Variants in COL14A1 observed in about 807,000 individuals in gnomAD.
COL14A1 encodes collagen alpha-1(XIV) chain.
A neutral mutation model predicts 230.3 loss-of-function variants in COL14A1; 136 were observed. The observed-to-expected ratio is 0.59, with a 90% CI of 0.51 to 0.68. COL14A1 has a LOEUF of 0.68. Ranked by LOEUF, COL14A1 falls within the 30% of genes least tolerant of loss-of-function variation. The pLI, the probability that COL14A1 is intolerant of heterozygous loss-of-function variation, is 0.00. For missense variants in COL14A1, 1,976 were observed against 2,215.8 expected (o/e 0.89, Z 2.17); for synonymous variants, 792 against 784.1 (o/e 1.01, Z -0.17).
In COL14A1 at chr8:120,228,777, C is replaced by T. The variant is rs1393537506; in HGVS notation, c.2197+8C>T. On this transcript the variant is annotated splice_region_variant and intron_variant, in intron 18 of 47. Transcript: ENST00000297848. ...CCACATCTGTGACTTCAGGTAAGGTCAAATAGTAGCCTGCTTAACCACTTT... is the reference window on the plus strand; with the variant it reads ...CCACATCTGTGACTTCAGGTAAGGTTAAATAGTAGCCTGCTTAACCACTTT... The T allele has an allele frequency of 9.9e-6, 16 of 1,612,436 alleles. No homozygotes were observed. Among genetic ancestry groups the T allele is most frequent in the South Asian group, 2.2e-5 (2 of 90,906 alleles).
intron 11 of COL14A1, among the ~76,000 whole-genome samples, chr8:120,209,544 C>T (rs1817556534): frequency 6.6e-6 from 1 of 152,046 alleles, no homozygotes; most frequent in African/African-American, 2.4e-5. Flanking sequence ...AAGAGTAGGG[C>T]AGGGTCACAT....
intron 23 of COL14A1, among the ~76,000 whole-genome samples, chr8:120,262,351 T>C (rs1819359422): frequency 6.6e-6 from 1 of 152,056 alleles, no homozygotes; most frequent in Non-Finnish European, 1.5e-5. Flanking sequence ...TGCACGCCTG[T>C]AGTTCCAGCT....
chr8:120,165,564 G>A (rs1015815786), intron 4 of COL14A1, among the ~76,000 whole-genome samples: 7 of 152,120 alleles, frequency 4.6e-5, no homozygotes, highest in Admixed American at 6.6e-5. Flanking sequence ...TATTGTTGTC[G>A]TAAGAAATAC....
chr8:120,172,571 TG>T (rs1393883043), intron 5 of COL14A1, among the ~76,000 whole-genome samples: 2 of 152,166 alleles, frequency 1.3e-5, no homozygotes, highest in Non-Finnish European at 1.5e-5. Context: ...GTCTTAAGGG[TG>T]TGCTCCTTCA....
intron 3 of COL14A1, 91 bp downstream of exon 3, chr8:120,158,337 T>G: frequency 1.3e-6 from 1 of 777,916 alleles, no homozygotes; most frequent in Non-Finnish European, 2.2e-6. Context: ...TGTGTTAGGA[T>G]TTTTTGGAAG....
chr8:120,131,132 A>T (rs1256049674), intron 1 of COL14A1, among the ~76,000 whole-genome samples: 1 of 152,180 alleles, frequency 6.6e-6, no homozygotes, highest in African/African-American at 2.4e-5. Context: ...ATGAGCATCT[A>T]GGTTGATTTC....
intron 45 of COL14A1, among the ~76,000 whole-genome samples, chr8:120,364,206 G>C (rs896264856): frequency 6.6e-6 from 1 of 152,072 alleles, no homozygotes; most frequent in African/African-American, 2.4e-5. Flanking sequence ...TCTACGATGG[G>C]CCATGACTGG....
At chr8:120,163,174 C>T (rs562771009) in intron 4 of COL14A1, among the ~76,000 whole-genome samples, 4 of 152,174 alleles carry the variant, frequency 2.6e-5, no homozygotes, top group Non-Finnish European at 4.4e-5. Context: ...AGGGACTGTT[C>T]TATGCCAGTC....
At chr8:120,350,877 C>T (rs1464862733) in intron 45 of COL14A1, among the ~76,000 whole-genome samples, 1 of 151,524 alleles carries the variant, frequency 6.6e-6, no homozygotes, top group African/African-American at 2.4e-5. Flanking sequence ...CAGCTCTGCA[C>T]CAAGCGGACC....
At chr8:120,308,273 C>A (rs756061355) in intron 36 of COL14A1, among the ~76,000 whole-genome samples, 1 of 152,212 alleles carries the variant, frequency 6.6e-6, no homozygotes, top group Non-Finnish European at 1.5e-5. Flanking sequence ...TGAGCCAGTG[C>A]GCCCAGCCTG....
intron 21 of COL14A1, among the ~76,000 whole-genome samples, chr8:120,249,114 T>G (rs1818860091): frequency 7.2e-6 from 1 of 139,324 alleles, no homozygotes; most frequent in African/African-American, 2.7e-5. Context: ...TTTTTTTTAG[T>G]AGAGACGGGG....
At chr8:120,166,630 A>T (rs1287783626) in intron 4 of COL14A1, among the ~76,000 whole-genome samples, 1 of 152,188 alleles carries the variant, frequency 6.6e-6, no homozygotes, top group African/African-American at 2.4e-5. Context: ...ATTTGGGGTG[A>T]CAGCCCATGT....
intron 25 of COL14A1, 95 bp downstream of exon 25, chr8:120,266,978 A>T (rs2129797455): frequency 9.3e-7 from 1 of 1,080,966 alleles, no homozygotes; most frequent in East Asian, 2.4e-5. Flanking sequence ...TTAATAAAGT[A>T]TATTTATTGT....
At position 120,270,024 on chromosome 8, in the gene COL14A1, T is replaced by C; in HGVS notation, c.3074-11T>C. 1 of 1,610,144 alleles carries C rather than the reference T, an allele frequency of 6.2e-7. No individual in the cohort carries two copies. Among genetic ancestry groups the C allele is most frequent in the Non-Finnish European group, 8.5e-7 (1 of 1,177,584 alleles). On this transcript the variant is annotated splice_polypyrimidine_tract_variant and intron_variant, in intron 25 of 47. Transcript: ENST00000297848. The stretch of plus-strand genomic sequence containing the variant: ...CTTATCTCTGACTCAAAATTCATTG[T>C]TGGTCTTCAGTATGTAAGGCGGCCA...
At chr8:120,285,147 C>A (rs1348782402) in intron 32 of COL14A1, among the ~76,000 whole-genome samples, 2 of 151,864 alleles carry the variant, frequency 1.3e-5, no homozygotes, top group Admixed American at 1.3e-4. Flanking sequence ...TTGGTTGCTG[C>A]AGTGGGTTAA....
At chr8:120,231,436 G>A in intron 18 of COL14A1, 31 bp from the exon 19 acceptor site, 2 of 1,606,456 alleles carry the variant, frequency 1.2e-6, no homozygotes, top group Non-Finnish European at 8.5e-7. Context: ...TATGTTAAAA[G>A]TTTTTTAATC....
chr8:120,298,457 G>T (rs1239672498), intron 35 of COL14A1, among the ~76,000 whole-genome samples: 1 of 150,012 alleles, frequency 6.7e-6, no homozygotes, highest in Non-Finnish European at 1.5e-5. Context: ...CCAAGTGATG[G>T]TGTAAATATT....
At chr8:120,239,800 A>G (rs560675323) in intron 19 of COL14A1, among the ~76,000 whole-genome samples, 1 of 151,378 alleles carries the variant, frequency 6.6e-6, no homozygotes, top group South Asian at 2.1e-4. Flanking sequence ...TCCCAAGGTG[A>G]GAGGCTTTGT....
intron 19 of COL14A1, among the ~76,000 whole-genome samples, chr8:120,241,370 A>G (rs753370443): frequency 6.6e-6 from 1 of 152,202 alleles, no homozygotes; most frequent in African/African-American, 2.4e-5. Flanking sequence ...AGAGGGGAAC[A>G]CAGCGAGATG....
Sources: allele counts gnomAD v4.1 joint callset (sites outside exome capture counted in the v4.1 genomes callset), GRCh38; gene constraint gnomAD v4.1.1; transcripts MANE v1.5; gene names NCBI Gene and HGNC (gene_info 2026-07-23, HGNC 2026-07-21).